Variants in RIMS2 observed in about 807,000 individuals in gnomAD.
The protein encoded by RIMS2 is regulating synaptic membrane exocytosis protein 2.
In RIMS2, 59 loss-of-function variants were observed where a neutral mutation model predicts 174.4. That is an observed-to-expected ratio of 0.34 (90% CI 0.27 to 0.42). RIMS2 has a LOEUF of 0.42. Among genes scored for constraint, RIMS2 ranks in the 10% least tolerant of loss-of-function variants. The probability of loss-of-function intolerance (pLI) is 1.00; values close to 1 mark genes in which losing one functional copy is unlikely to be tolerated. For synonymous variants in RIMS2, 606 were observed against 572.5 expected (o/e 1.06, Z -0.84); for missense variants, 1,620 against 1,666.3 (o/e 0.97, Z 0.48).
At chr8:103,718,052 A>G (rs1472919717) in intron 2 of RIMS2, among the ~76,000 whole-genome samples, 4 of 152,190 alleles carry the variant, frequency 2.6e-5, no homozygotes, top group Non-Finnish European at 5.9e-5. Flanking sequence ...AAGCTCTTGA[A>G]CTCATACTAG....
chr8:103,641,384 TGA>T (rs1489051490), intron 1 of RIMS2, among the ~76,000 whole-genome samples: 7 of 152,190 alleles, frequency 4.6e-5, no homozygotes, highest in Admixed American at 1.3e-4. Flanking sequence ...GAGAAACATT[TGA>T]GTTATTCTTT....
At chr8:103,889,533 A>G (rs1184143415) in intron 4 of RIMS2, among the ~76,000 whole-genome samples, 1 of 151,784 alleles carries the variant, frequency 6.6e-6, no homozygotes, top group African/African-American at 2.4e-5. Context: ...TTTTTTTTCG[A>G]GGTCCTAGTA....
intron 17 of RIMS2, chr8:103,998,225 A>G (rs2095224346): frequency 1.2e-6 from 2 of 1,609,808 alleles, no homozygotes; most frequent in East Asian, 2.2e-5. Flanking sequence ...CAGTCAGACC[A>G]TTGACCATCA....
At chr8:103,890,222 C>G (rs1406022529) in intron 4 of RIMS2, among the ~76,000 whole-genome samples, 1 of 151,920 alleles carries the variant, frequency 6.6e-6, no homozygotes, top group Non-Finnish European at 1.5e-5. Flanking sequence ...TTCACCTCTT[C>G]CAAGATCTGT....
intron 8 of RIMS2, among the ~76,000 whole-genome samples, chr8:103,916,909 C>T (rs2076724475): frequency 6.6e-6 from 1 of 152,048 alleles, no homozygotes; most frequent in Admixed American, 6.6e-5. Flanking sequence ...GGCCAAAGGA[C>T]ATACAATTCC....
chr8:104,071,962 C>CT (rs1413777430), intron 19 of RIMS2, among the ~76,000 whole-genome samples: 1 of 152,156 alleles, frequency 6.6e-6, no homozygotes, highest in Admixed American at 6.5e-5. Flanking sequence ...TTAATAATGT[C>CT]TGACAAATCC....
chr8:103,880,746 T>G (rs1021129111), intron 3 of RIMS2: 1 of 445,054 alleles, frequency 2.2e-6, no homozygotes, highest in African/African-American at 2.0e-5. Flanking sequence ...TTTATATATT[T>G]TTGTTTTTTT....
At chr8:103,805,977 A>C (rs1417351577) in intron 3 of RIMS2, among the ~76,000 whole-genome samples, 1 of 152,096 alleles carries the variant, frequency 6.6e-6, no homozygotes, top group Non-Finnish European at 1.5e-5. Context: ...AAATTGTTGC[A>C]ATATAAAATA....
intron 1 of RIMS2, among the ~76,000 whole-genome samples, chr8:103,629,900 T>C (rs546964072): frequency 3.9e-5 from 6 of 152,148 alleles, no homozygotes; most frequent in Non-Finnish European, 5.9e-5. Context: ...TTGGATACTC[T>C]GGCAGTACAA....
intron 1 of RIMS2, among the ~76,000 whole-genome samples, chr8:103,665,269 G>C (rs978845270): frequency 6.6e-6 from 1 of 152,198 alleles, no homozygotes; most frequent in Non-Finnish European, 1.5e-5. Context: ...AGAACTTAAA[G>C]TATAATGAAA....
chr8:103,696,362 A>G (rs1350392447), intron 1 of RIMS2, among the ~76,000 whole-genome samples: 1 of 152,072 alleles, frequency 6.6e-6, no homozygotes, highest in Non-Finnish European at 1.5e-5. Flanking sequence ...ACTGTGTCTC[A>G]GTGATTTGAA....
At chr8:103,897,243 C>T (rs1342436850) in intron 4 of RIMS2, among the ~76,000 whole-genome samples, 1 of 151,692 alleles carries the variant, frequency 6.6e-6, no homozygotes, top group Non-Finnish European at 1.5e-5. Context: ...AAGTGGATGG[C>T]CATCTGAAGC....
intron 1 of RIMS2, among the ~76,000 whole-genome samples, chr8:103,659,320 G>A (rs1224860818): frequency 6.6e-6 from 1 of 152,122 alleles, no homozygotes; most frequent in Non-Finnish European, 1.5e-5. Flanking sequence ...ACCCCAATCA[G>A]CCTTCTGCAG....
At chr8:104,111,457 G>A (rs1357702991) in intron 19 of RIMS2, among the ~76,000 whole-genome samples, 1 of 152,152 alleles carries the variant, frequency 6.6e-6, no homozygotes, top group South Asian at 2.1e-4. Context: ...ATCCAGGCTG[G>A]AGTGCAGTGG....
intron 8 of RIMS2, among the ~76,000 whole-genome samples, chr8:103,917,374 T>C (rs779079141): frequency 4.6e-5 from 7 of 152,192 alleles, no homozygotes; most frequent in Non-Finnish European, 7.4e-5. Flanking sequence ...CTTAGTTTTA[T>C]TGAAATGTTC....
intron 19 of RIMS2, among the ~76,000 whole-genome samples, chr8:104,138,506 G>T (rs987388566): frequency 2.0e-5 from 3 of 151,984 alleles, no homozygotes; most frequent in Non-Finnish European, 2.9e-5. Flanking sequence ...GTTTTGATTT[G>T]CATTTCTCTA....
chr8:103,983,012 C>T (rs1216277524), intron 16 of RIMS2, among the ~76,000 whole-genome samples: 1 of 152,092 alleles, frequency 6.6e-6, no homozygotes, highest in Non-Finnish European at 1.5e-5. Context: ...CTAAAGGCTC[C>T]ACCAAAAACT....
In RIMS2 at chr8:103,624,749, A is replaced by C. The variant is rs542684900; in HGVS notation, c.177-72337A>C. Among the ~76,000 whole-genome samples, 26 of 152,284 alleles carry C rather than the reference A, an allele frequency of 1.7e-4. 1 individual carries two copies. In the South Asian group the frequency reaches 5.2e-3, roughly 30 times the overall value. Reference sequence around the variant, plus strand: ...GTATTTACAAATATTAATTCATTTAATCCTCTTACCTCTATATGGTAGGGA... The same window carrying C: ...GTATTTACAAATATTAATTCATTTACTCCTCTTACCTCTATATGGTAGGGA... On this transcript the variant is annotated intron_variant, in intron 1 of 23. Transcript: ENST00000504942.
intron 3 of RIMS2, among the ~76,000 whole-genome samples, chr8:103,771,881 G>C (rs1285204166): frequency 6.6e-6 from 1 of 151,932 alleles, no homozygotes; most frequent in African/African-American, 2.4e-5. Context: ...TTTCAGTGTA[G>C]TATTTGTTTC....
Sources: allele counts gnomAD v4.1 joint callset (sites outside exome capture counted in the v4.1 genomes callset), GRCh38; gene constraint gnomAD v4.1.1; transcripts MANE v1.5; gene names NCBI Gene and HGNC (gene_info 2026-07-23, HGNC 2026-07-21).